Variants in LHFPL3 observed in about 807,000 individuals in gnomAD.
The protein encoded by LHFPL3 is LHFPL tetraspan subfamily member 3.
In LHFPL3, 5 loss-of-function variants were observed where a neutral mutation model predicts 19.3. The ratio of observed to expected loss-of-function variants is 0.26; its 90% CI spans 0.14 to 0.54. The LOEUF is 0.54. Ranked by LOEUF, LHFPL3 falls within the 20% of genes least tolerant of loss-of-function variation. LHFPL3 has a pLI of 0.94. For synonymous variants in LHFPL3, 133 were observed against 126.2 expected (o/e 1.05, Z -0.36); for missense variants, 249 against 307.4 (o/e 0.81, Z 1.42).
chr7:104,454,102 C>T (rs753676601), intron 1 of LHFPL3, among the ~76,000 whole-genome samples: 31 of 152,136 alleles, frequency 2.0e-4, no homozygotes, highest in Non-Finnish European at 3.1e-4. Flanking sequence ...ACTTTGGGAA[C>T]GGTAATACCA....
At chr7:104,840,474 CTTTTTTTTTTTTTT>C (rs71155530) in intron 2 of LHFPL3, among the ~76,000 whole-genome samples, 4 of 65,582 alleles carry the variant, frequency 6.1e-5, no homozygotes, top group South Asian at 9.4e-4. Context: ...TTTTCTTTTC[CTTTTTTTTTTTTTT>C]TTTTTTTTTT....
intron 1 of LHFPL3, among the ~76,000 whole-genome samples, chr7:104,683,675 G>T (rs1167398230): frequency 6.6e-6 from 1 of 152,170 alleles, no homozygotes; most frequent in Non-Finnish European, 1.5e-5. Flanking sequence ...CTGATAGGCA[G>T]TATAATGATG....
chr7:104,532,318 C>CT (rs71155504), intron 1 of LHFPL3, among the ~76,000 whole-genome samples: 23,026 of 87,362 alleles, frequency 0.26, 3,170 homozygotes, highest in Middle Eastern at 0.32. Context: ...TTCTTTCTGT[C>CT]TTTTTTTTTT....
chr7:104,875,549 G>C (rs757404848), intron 2 of LHFPL3, among the ~76,000 whole-genome samples: 1 of 152,202 alleles, frequency 6.6e-6, no homozygotes, highest in African/African-American at 2.4e-5. Flanking sequence ...GATAATCCCA[G>C]ATGATCCAGC....
intron 2 of LHFPL3, among the ~76,000 whole-genome samples, chr7:104,789,884 A>T (rs1426920966): frequency 6.6e-6 from 1 of 152,108 alleles, no homozygotes; most frequent in Non-Finnish European, 1.5e-5. Context: ...GTCAATATTG[A>T]GACTGATTAT....
chr7:104,672,513 A>C, intron 1 of LHFPL3, among the ~76,000 whole-genome samples: 1 of 152,222 alleles, frequency 6.6e-6, no homozygotes, highest in African/African-American at 2.4e-5. Flanking sequence ...TAAATGAATA[A>C]TCTCAGCGGC....
At chr7:104,467,467 T>C (rs1349251013) in intron 1 of LHFPL3, among the ~76,000 whole-genome samples, 6 of 152,232 alleles carry the variant, frequency 3.9e-5, no homozygotes, top group Middle Eastern at 6.3e-3. Flanking sequence ...TTTGGGAATG[T>C]AGTTTGTGCA....
chr7:104,428,615 G>A (rs569647621), intron 1 of LHFPL3, among the ~76,000 whole-genome samples: 5 of 152,270 alleles, frequency 3.3e-5, no homozygotes, highest in East Asian at 1.9e-4. Flanking sequence ...AGCCTAAGTC[G>A]TGGCTTATGG....
chr7:104,645,882 G>C (rs928068528), intron 1 of LHFPL3, among the ~76,000 whole-genome samples: 1 of 151,874 alleles, frequency 6.6e-6, no homozygotes, highest in East Asian at 1.9e-4. Context: ...GGATGGTCTC[G>C]ATCTTCTGAC....
intron 1 of LHFPL3, among the ~76,000 whole-genome samples, chr7:104,424,083 C>A (rs541862752): frequency 6.6e-6 from 1 of 152,044 alleles, no homozygotes; most frequent in South Asian, 2.1e-4. Flanking sequence ...CTAGTGCTTT[C>A]GAAAGAAATT....
intron 2 of LHFPL3, among the ~76,000 whole-genome samples, chr7:104,848,908 T>TTG (rs1562813618): frequency 2.0e-3 from 304 of 151,126 alleles, no homozygotes; most frequent in African/African-American, 7.1e-3. Context: ...TGGTTTTTTT[T>TTG]TTGTTGTTGT....
intron 1 of LHFPL3, among the ~76,000 whole-genome samples, chr7:104,440,443 T>C (rs1286192643): frequency 1.3e-5 from 2 of 150,972 alleles, no homozygotes; most frequent in Non-Finnish European, 3.0e-5. Flanking sequence ...AGGGATAGCA[T>C]TAGGAGATAT....
intron 1 of LHFPL3, among the ~76,000 whole-genome samples, chr7:104,509,532 C>A (rs1195186210): frequency 6.6e-6 from 1 of 151,826 alleles, no homozygotes; most frequent in Non-Finnish European, 1.5e-5. Context: ...AAAGTCAACA[C>A]CCATTCATGG....
At chr7:104,867,242 GAGAT>G (rs1791743500) in intron 2 of LHFPL3, among the ~76,000 whole-genome samples, 1 of 152,190 alleles carries the variant, frequency 6.6e-6, no homozygotes, top group South Asian at 2.1e-4. Context: ...AGAAGTCAAG[GAGAT>G]AGAGACACAA....
At chr7:104,780,348 T>C (rs1255008574) in intron 2 of LHFPL3, among the ~76,000 whole-genome samples, 1 of 152,064 alleles carries the variant, frequency 6.6e-6, no homozygotes, top group Non-Finnish European at 1.5e-5. Flanking sequence ...CCGTAAGTCC[T>C]CACCTCCTCC....
intron 1 of LHFPL3, among the ~76,000 whole-genome samples, chr7:104,551,383 G>A (rs1197012790): frequency 6.6e-6 from 1 of 151,940 alleles, no homozygotes; most frequent in African/African-American, 2.4e-5. Context: ...CTCTAGTATG[G>A]CTTGGTTTGC....
At chr7:104,630,305 G>C (rs1791617125) in intron 1 of LHFPL3, among the ~76,000 whole-genome samples, 1 of 152,180 alleles carries the variant, frequency 6.6e-6, no homozygotes, top group Non-Finnish European at 1.5e-5. Flanking sequence ...AACTTGAATG[G>C]TGAGCTGGGT....
intron 1 of LHFPL3, among the ~76,000 whole-genome samples, chr7:104,607,446 A>G (rs891536546): frequency 1.3e-5 from 2 of 152,222 alleles, no homozygotes; most frequent in Non-Finnish European, 2.9e-5. Context: ...ATACAGAACC[A>G]TATGTTCAGA....
At chr7:104,623,282 G>GA (rs377350300) in intron 1 of LHFPL3, among the ~76,000 whole-genome samples, 111 of 142,384 alleles carry the variant, frequency 7.8e-4, no homozygotes, top group East Asian at 3.9e-3. Flanking sequence ...TGTACCATTT[G>GA]AAAAAAAAAA....
Sources: gnomAD v4.1 joint callset for allele counts (sites outside exome capture counted in the v4.1 genomes callset) on GRCh38, gnomAD v4.1.1 for gene constraint, MANE v1.5 for transcripts, NCBI Gene and HGNC (gene_info 2026-07-23, HGNC 2026-07-21) for gene names.